Variants in CLTCL1 observed in about 807,000 individuals in gnomAD.
The protein encoded by CLTCL1 is clathrin heavy chain like 1.
In CLTCL1, 159 loss-of-function variants were observed where a neutral mutation model predicts 190.0. The observed-to-expected ratio is 0.84, with a 90% CI of 0.74 to 0.95. The LOEUF is 0.95. CLTCL1 is among the 40% of genes least tolerant of loss of function. The probability of loss-of-function intolerance (pLI) is 0.00; values close to 1 mark genes in which losing one functional copy is unlikely to be tolerated. For synonymous variants in CLTCL1, 752 were observed against 769.6 expected (o/e 0.98, Z 0.38); for missense variants, 1,878 against 2,033.4 (o/e 0.92, Z 1.47).
In CLTCL1 at chr22:19,199,837, C is replaced by T. The variant is rs1555938079; in HGVS notation, c.3770G>A (p.Cys1257Tyr). ...ASSTRTWKEV[C>Y]FACMDGQEFR... ...CTCTTGTCCATCCATGCAGGCAAAG[C>T]ACACCTAGGGGACGGAGGGCAAGCG... Residue 1257 changes from cysteine (C) to tyrosine (Y), a missense_variant, in exon 24 of 33, where the codon TGC (cysteine) becomes TAC (tyrosine). Cys to Tyr is a radical substitution (Grantham distance 194, BLOSUM62 -2). Transcript: ENST00000427926. The T allele has an allele frequency of 1.3e-6, 2 of 1,590,606 alleles. No homozygotes were observed.
At chr22:19,185,387 C>T (rs1195546892) in intron 29 of CLTCL1, among the ~76,000 whole-genome samples, 2 of 148,852 alleles carry the variant, frequency 1.3e-5, no homozygotes, top group South Asian at 2.1e-4. Context: ...AGTGCAGTGG[C>T]GTGATCTCTG....
At chr22:19,289,016 G>C (rs1370765817) in intron 1 of CLTCL1, among the ~76,000 whole-genome samples, 1 of 152,214 alleles carries the variant, frequency 6.6e-6, no homozygotes, top group Non-Finnish European at 1.5e-5. Context: ...CGGAGTCTCG[G>C]TCTGTTACCC....
chr22:19,276,486 G>A (rs1044048763), intron 1 of CLTCL1, among the ~76,000 whole-genome samples: 1 of 152,048 alleles, frequency 6.6e-6, no homozygotes, highest in African/African-American at 2.4e-5. Flanking sequence ...TTTCTCCAAA[G>A]GCCATCTTAT....
At chr22:19,192,355 G>A (rs1050268964) in intron 26 of CLTCL1, among the ~76,000 whole-genome samples, 11 of 152,120 alleles carry the variant, frequency 7.2e-5, no homozygotes, top group African/African-American at 2.2e-4. Flanking sequence ...GTGAGCCACC[G>A]CGCCCAGCCC....
At chr22:19,197,243 C>T (rs1010817058) in intron 24 of CLTCL1, among the ~76,000 whole-genome samples, 9 of 152,104 alleles carry the variant, frequency 5.9e-5, no homozygotes, top group Admixed American at 5.9e-4. Context: ...TGGGAGGGTC[C>T]GACCTAGAGG....
At chr22:19,213,469 T>G (rs1253310249) in intron 19 of CLTCL1, among the ~76,000 whole-genome samples, 1 of 152,126 alleles carries the variant, frequency 6.6e-6, no homozygotes, top group Non-Finnish European at 1.5e-5. Context: ...TAAACAAAAA[T>G]CTGGACACAA....
In CLTCL1 at chr22:19,234,697, C is replaced by G. The variant is rs1555961088; in HGVS notation, c.979G>C (p.Val327Leu). 2.5e-6 allele frequency: 4 copies of G among 1,613,680 alleles called. No homozygotes were observed. Among genetic ancestry groups the G allele is most frequent in the Non-Finnish European group, 3.4e-6 (4 of 1,179,740 alleles). Residue 327 changes from valine (V) to leucine (L), a missense_variant, in exon 7 of 33, where the codon GTT becomes CTT. Physicochemically the swap from Val to Leu is conservative, Grantham distance 32. Transcript: ENST00000427926. ...ACAATGTTATCTTCCTCAACACAAACTGACAGTACCTGTAAGGACACAACA... is the reference window on the plus strand; with the variant it reads ...ACAATGTTATCTTCCTCAACACAAAGTGACAGTACCTGTAAGGACACAACA... ...GVNKKGQVLS[V>L]CVEEDNIVNY...
chr22:19,189,439 TTCTAAATCCCCTG>T (rs2146232524), intron 27 of CLTCL1, among the ~76,000 whole-genome samples: 1 of 152,384 alleles, frequency 6.6e-6, no homozygotes, highest in East Asian at 1.9e-4. Flanking sequence ...TTATGCACTA[TTCTAAATCCCCTG>T]TAGTCATTTC....
intron 29 of CLTCL1, among the ~76,000 whole-genome samples, chr22:19,186,941 T>TG (rs1569144618): frequency 1.2e-5 from 1 of 80,346 alleles, no homozygotes; most frequent in East Asian, 7.0e-4. Flanking sequence ...ATTCCTCAAA[T>TG]CTTTTTTTTT....
rs543427747 is a variant in CLTCL1 at position 19,255,421 on chromosome 22, G to A, written c.251-1194C>T. Among the ~76,000 whole-genome samples, 22 of 152,032 alleles carry A rather than the reference G, an allele frequency of 1.4e-4. No individual in the cohort carries two copies. The East Asian group carries it at 4.1e-3, about 28-fold the overall frequency. On this transcript the variant is annotated intron_variant, in intron 2 of 32. Coordinates refer to ENST00000427926, the MANE Select transcript of CLTCL1 (RefSeq NM_007098.4). Reference sequence around the variant, plus strand: ...CTACCAAAAATACAAAAATTAGCCGGGCTTGGTGGCAGTCACCTGTAATTC... The same window carrying A: ...CTACCAAAAATACAAAAATTAGCCGAGCTTGGTGGCAGTCACCTGTAATTC...
chr22:19,253,779 C>A (rs2086668547), intron 3 of CLTCL1, among the ~76,000 whole-genome samples, 180 bp downstream of exon 3: 1 of 151,858 alleles, frequency 6.6e-6, no homozygotes, highest in South Asian at 2.1e-4. Flanking sequence ...TGGCTCACTG[C>A]AACCTCAAAC....
intron 11 of CLTCL1, among the ~76,000 whole-genome samples, chr22:19,228,846 A>G (rs994145395): frequency 6.6e-6 from 1 of 152,202 alleles, no homozygotes; most frequent in Admixed American, 6.5e-5. Context: ...CACAAGTTTC[A>G]GGCCAACAAA....
Position 19,275,833 on chromosome 22 carries a change from A to G in CLTCL1, c.43-3T>C, listed in dbSNP as rs111358996. The G allele has an allele frequency of 1.8e-5, 28 of 1,580,026 alleles. No individual in the cohort carries two copies. In the African/African-American group the frequency reaches 2.6e-4, roughly 14 times the overall value. ...GGATTAATTCCAAGGTTTTGGAGCT[A>G]AACAGAAAAAAAGCATTTGATTAAA... On this transcript the variant is annotated splice_polypyrimidine_tract_variant and splice_region_variant and intron_variant, in intron 1 of 32. Transcript: ENST00000427926.
At chr22:19,251,981 T>A (rs1555970232) in intron 3 of CLTCL1, among the ~76,000 whole-genome samples, 1 of 152,226 alleles carries the variant, frequency 6.6e-6, no homozygotes, top group African/African-American at 2.4e-5. Flanking sequence ...CCCCTGTATA[T>A]CTGCAATGCC....
At chr22:19,277,385 G>T (rs2087553319) in intron 1 of CLTCL1, among the ~76,000 whole-genome samples, 1 of 152,098 alleles carries the variant, frequency 6.6e-6, no homozygotes, top group Non-Finnish European at 1.5e-5. Context: ...ATGGAGCCAG[G>T]TATAATAAAG....
Position 19,196,450 on chromosome 22 carries a change from C to T in CLTCL1, c.4042-35G>A, listed in dbSNP as rs781887587. 3.3e-5 allele frequency: 53 copies of T among 1,613,814 alleles called. 1 individual carries two copies. The South Asian group carries it at 3.6e-4, about 11-fold the overall frequency. On this transcript the variant is annotated intron_variant, in intron 25 of 32. Coordinates refer to ENST00000427926, the MANE Select transcript of CLTCL1 (RefSeq NM_007098.4). The stretch of plus-strand genomic sequence containing the variant: ...GAGGTCAGGGTCGGCTTGTGCTGCA[C>T]GTGGCCACGGCTGCCAGACTGCAAG...
At chr22:19,289,641 A>G (rs1372393450) in intron 1 of CLTCL1, among the ~76,000 whole-genome samples, 5 of 152,048 alleles carry the variant, frequency 3.3e-5, no homozygotes, top group African/African-American at 9.7e-5. Context: ...GCCCAACACA[A>G]ACAGGAAGAA....
chr22:19,260,743 C>A (rs1207918745), intron 2 of CLTCL1, among the ~76,000 whole-genome samples: 2 of 136,132 alleles, frequency 1.5e-5, no homozygotes, highest in African/African-American at 5.6e-5. Context: ...CGTGCCACTG[C>A]ACTCCAGCCT....
At chr22:19,277,716 A>G (rs782024878) in intron 1 of CLTCL1, among the ~76,000 whole-genome samples, 5 of 152,140 alleles carry the variant, frequency 3.3e-5, no homozygotes, top group African/African-American at 1.2e-4. Flanking sequence ...CTCACACATC[A>G]CTCAACACAA....
Sources: gnomAD v4.1 joint callset for allele counts (sites outside exome capture counted in the v4.1 genomes callset) on GRCh38, gnomAD v4.1.1 for gene constraint, MANE v1.5 for transcripts, NCBI Gene and HGNC (gene_info 2026-07-23, HGNC 2026-07-21) for gene names.